Variants in LRP5 observed in about 807,000 individuals in gnomAD.
LRP5 encodes the protein low-density lipoprotein receptor-related protein 5.
Under a neutral mutation model 154.1 loss-of-function variants are expected in LRP5, and 62 were observed. That is an observed-to-expected ratio of 0.40 (90% CI 0.33 to 0.50). The LOEUF (loss-of-function observed/expected upper bound fraction) is 0.50. LRP5 is among the 20% of genes least tolerant of loss of function. The pLI, the probability that LRP5 is intolerant of heterozygous loss-of-function variation, is 0.55. For missense variants in LRP5, 1,915 were observed against 2,336.7 expected (o/e 0.82, Z 3.72); for synonymous variants, 966 against 1,011.5 (o/e 0.96, Z 0.85).
At chr11:68,377,023 G>A (rs1321923600) in intron 5 of LRP5, among the ~76,000 whole-genome samples, 2 of 152,174 alleles carry the variant, frequency 1.3e-5, no homozygotes, top group Admixed American at 6.5e-5. Flanking sequence ...GCTCACGCCT[G>A]TAATCCCAGC....
chr11:68,386,723 C>CGG lies in LRP5; in HGVS notation c.1412+15_1412+16dup. The CGG allele has an allele frequency of 1.2e-6, 2 of 1,609,492 alleles. No individual in the cohort carries two copies. Among genetic ancestry groups the CGG allele is most frequent in the Non-Finnish European group, 1.7e-6 (2 of 1,178,040 alleles). ...GCACCCCGTGATGGGGTAAGACGGG[C>CGG]GGGGGCTGGGGCCTGGAGCCAGGGC... On this transcript the variant is annotated intron_variant, in intron 6 of 22. Coordinates refer to ENST00000294304, the MANE Select transcript of LRP5 (RefSeq NM_002335.4). The surrounding 1 kb of genome is among the most constrained non-coding windows in gnomAD (Gnocchi z 7.9).
At chr11:68,424,845 C>T (rs554506426) in intron 14 of LRP5, among the ~76,000 whole-genome samples, 1 of 152,216 alleles carries the variant, frequency 6.6e-6, no homozygotes, top group Non-Finnish European at 1.5e-5. Flanking sequence ...TAGGGCCTAC[C>T]CTCACCCATT....
intron 3 of LRP5, among the ~76,000 whole-genome samples, chr11:68,362,963 C>T (rs185593900): frequency 1.4e-3 from 212 of 152,238 alleles, no homozygotes; most frequent in Non-Finnish European, 2.4e-3. Flanking sequence ...ACATTACCGA[C>T]CACGTCACAT....
At chr11:68,374,150 CAG>C (rs376259401) in intron 5 of LRP5, among the ~76,000 whole-genome samples, 76 of 152,264 alleles carry the variant, frequency 5.0e-4, no homozygotes, top group African/African-American at 1.6e-3. Context: ...GCGGGAGGAA[CAG>C]AGGGGGCCAC....
At chr11:68,421,627 A>G (rs1013591585) in intron 13 of LRP5, among the ~76,000 whole-genome samples, 8 of 152,082 alleles carry the variant, frequency 5.3e-5, no homozygotes, top group East Asian at 1.9e-4. Context: ...ATCTACAAAG[A>G]CACATGATCC....
At chr11:68,324,811 G>A (rs1468712384) in intron 1 of LRP5, among the ~76,000 whole-genome samples, 1 of 152,186 alleles carries the variant, frequency 6.6e-6, no homozygotes, top group Non-Finnish European at 1.5e-5. Context: ...ACACCTTCAC[G>A]GCCCCGTGGG....
chr11:68,444,660 G>A (rs569652392), intron 21 of LRP5, among the ~76,000 whole-genome samples: 12 of 149,336 alleles, frequency 8.0e-5, no homozygotes, highest in South Asian at 2.1e-4. Flanking sequence ...TTGCCGAGGC[G>A]CTGCACTGGT....
In LRP5 at chr11:68,363,863, G is replaced by A. The variant is rs779893871; in HGVS notation, c.803G>A (p.Gly268Glu). ...ATCCATGCCTGCAACAAGCGCACTG[G>A]GGGGAAGAGGAAGGAGATCCTGAGT... Reference protein sequence around the residue: ...RSIHACNKRTGGKRKEILSAL... With the variant: ...RSIHACNKRTEGKRKEILSAL... The change falls in exon 4 of 23, where the codon GGG becomes GAG. Residue 268 changes from glycine (G) to glutamate (E), a missense_variant. Around this residue, in one of 3 missense-constraint regions of LRP5, gnomAD observed 773 missense variants for 1,100.9 expected, o/e 0.70. Transcript: ENST00000294304. 1.2e-6 allele frequency: 2 copies of A among 1,613,146 alleles called. No individual in the cohort carries two copies. The highest frequency in any genetic ancestry group is 1.7e-5 in the Admixed American group (1 of 59,952).
intron 8 of LRP5, 31 bp from the exon 9 acceptor site, chr11:68,406,493 T>C: frequency 1.2e-6 from 2 of 1,613,116 alleles, no homozygotes; most frequent in Non-Finnish European, 1.7e-6. Flanking sequence ...GCTGTTGATG[T>C]TTAGACTGGA....
chr11:68,357,320 A>C (rs1454177084), intron 2 of LRP5, among the ~76,000 whole-genome samples: 1 of 152,188 alleles, frequency 6.6e-6, no homozygotes, highest in Non-Finnish European at 1.5e-5. Flanking sequence ...CAGCATTTTC[A>C]TGGTAGCAAA....
Position 68,406,608 on chromosome 11 carries a change from T to A in LRP5, c.1886T>A (p.Ile629Asn). 6.2e-7 allele frequency: 1 copy of A among 1,614,106 alleles called. No individual in the cohort carries two copies. The highest frequency in any genetic ancestry group is 8.5e-7 in the Non-Finnish European group (1 of 1,180,014). Residue 629 changes from isoleucine (I) to asparagine (N), a missense_variant, in exon 9 of 23, where the codon ATC (isoleucine) becomes AAC (asparagine). Around this residue, in one of 3 missense-constraint regions of LRP5, gnomAD observed 773 missense variants for 1,100.9 expected, o/e 0.70. Coordinates refer to ENST00000294304, the MANE Select transcript of LRP5 (RefSeq NM_002335.4). ...TPHATRCGCPIGLELLSDMKT... is the reference protein window; with the variant it reads ...TPHATRCGCPNGLELLSDMKT... ...CACGCAACCCGGTGTGGCTGCCCCATCGGCCTGGAGCTGCTGAGTGACATG... is the reference window on the plus strand; with the variant it reads ...CACGCAACCCGGTGTGGCTGCCCCAACGGCCTGGAGCTGCTGAGTGACATG...
intron 13 of LRP5, among the ~76,000 whole-genome samples, chr11:68,420,961 TC>T: frequency 6.6e-6 from 1 of 152,256 alleles, no homozygotes; most frequent in South Asian, 2.1e-4. Flanking sequence ...GCGCGGTGGC[TC>T]ACGCCTGTAA....
intron 1 of LRP5, 25 bp from the exon 2 acceptor site, chr11:68,347,822 C>T (rs1377392847): frequency 6.2e-7 from 1 of 1,612,298 alleles, no homozygotes; most frequent in Non-Finnish European, 8.5e-7. Context: ...GCCAGTGGCC[C>T]TCACGGTTTG....
At position 68,363,733 on chromosome 11, in the gene LRP5, T is replaced by C. The variant is rs1309846838; in HGVS notation, c.687-14T>C. ...CCTCCTGATGGCTCCTCCACCCCGC[T>C]TCCCTGACTGCAGGCAGAAGGTGGT... On this transcript the variant is annotated splice_polypyrimidine_tract_variant and intron_variant, in intron 3 of 22. Transcript: ENST00000294304. 1.2e-6 allele frequency: 2 copies of C among 1,610,070 alleles called. No homozygotes were observed. The highest frequency in any genetic ancestry group is 1.7e-5 in the Admixed American group (1 of 59,818).
At chr11:68,434,788 G>C (rs2098673984) in intron 18 of LRP5, among the ~76,000 whole-genome samples, 1 of 151,938 alleles carries the variant, frequency 6.6e-6, no homozygotes, top group South Asian at 2.1e-4. Context: ...CTCTCCCAGA[G>C]CCACCGGCTC....
intron 1 of LRP5, among the ~76,000 whole-genome samples, chr11:68,336,561 C>T (rs372657855): frequency 1.3e-5 from 2 of 152,124 alleles, no homozygotes; most frequent in Non-Finnish European, 1.5e-5. Context: ...CTCTGCCTCC[C>T]GGTTTCAAGC....
intron 1 of LRP5, among the ~76,000 whole-genome samples, chr11:68,342,449 G>A (rs538992346): frequency 6.6e-6 from 1 of 152,296 alleles, no homozygotes; most frequent in South Asian, 2.1e-4. Context: ...AGAAGAGGAG[G>A]TGCCATCTTT....
intron 13 of LRP5, among the ~76,000 whole-genome samples, chr11:68,422,571 G>T (rs2098666413): frequency 6.6e-6 from 1 of 152,184 alleles, no homozygotes; most frequent in Non-Finnish European, 1.5e-5. Context: ...AAAAGCCCAG[G>T]CTCATCCCTG....
intron 14 of LRP5, among the ~76,000 whole-genome samples, chr11:68,424,026 G>T (rs1248475082): frequency 1.3e-5 from 2 of 152,188 alleles, no homozygotes; most frequent in African/African-American, 4.8e-5. Context: ...GGGGCTGCCT[G>T]TTGACTCGCT....
Sources: gnomAD v4.1 joint callset for allele counts (sites outside exome capture counted in the v4.1 genomes callset) on GRCh38, gnomAD v4.1.1 for gene constraint, gnomAD v4.1.1 regional missense constraint, Gnocchi (gnomAD v3.1) non-coding constraint, MANE v1.5 for transcripts, NCBI Gene and HGNC (gene_info 2026-07-23, HGNC 2026-07-21) for gene names.